IDH3G: variants seen among roughly 807,000 people sequenced by gnomAD.
IDH3G encodes the protein isocitrate dehydrogenase [NAD] subunit gamma, mitochondrial.
In IDH3G, 9 loss-of-function variants were observed where a neutral mutation model predicts 26.9. The ratio of observed to expected loss-of-function variants is 0.34; its 90% CI spans 0.20 to 0.58. IDH3G has a LOEUF of 0.58. IDH3G is among the 20% of genes least tolerant of loss of function. IDH3G has a pLI of 0.85. For synonymous variants in IDH3G, 181 were observed against 160.0 expected, an observed-to-expected ratio of 1.13 and a Z score of -0.99; for missense variants, 250 against 372.8, an observed-to-expected ratio of 0.67 and a Z score of 2.71.
At chrX:153,792,003 G>A (rs1349487972) in intron 1 of IDH3G, among the ~76,000 whole-genome samples, 2 of 112,213 alleles carry the variant, frequency 1.8e-5, no homozygotes, top group African/African-American at 6.5e-5. Flanking sequence ...TCTCTCTAGC[G>A]CTTATCAACA....
intron 1 of IDH3G, 73 bp from the exon 2 acceptor site, chrX:153,790,924 C>T (rs1321087559): frequency 4.0e-6 from 4 of 989,967 alleles, no homozygotes; most frequent in African/African-American, 1.9e-5. Flanking sequence ...AAAAACGGAC[C>T]GTCCCCACTG....
intron 1 of IDH3G, among the ~76,000 whole-genome samples, chrX:153,792,002 C>A (rs1228688947): frequency 8.9e-6 from 1 of 112,324 alleles, no homozygotes; most frequent in Admixed American, 9.4e-5. Flanking sequence ...TTCTCTCTAG[C>A]GCTTATCAAC....
At chrX:153,793,508 G>A (rs1569542796) in intron 1 of IDH3G, 1 of 112,069 alleles carries the variant, frequency 8.9e-6, no homozygotes, top group South Asian at 3.7e-4. Flanking sequence ...AGGAGGAAAT[G>A]GCCTAAGGCC....
In IDH3G at chrX:153,794,251, A is replaced by G; in HGVS notation, c.76T>C (p.Trp26Arg). ...VLGPALLCRP[W>R]EVLGAHEVPS... ...GTGGCTCTTTCCCTGCTCACCTCCC[A>G]GGGACGGCAGAGAAGGGCTGGCCCG... is the stretch of plus-strand genomic sequence containing the variant. The change falls in exon 1 of 13, where the codon TGG becomes CGG. Residue 26 changes from tryptophan to arginine, a missense_variant. By Grantham distance (101) the Trp-to-Arg change is moderately radical. Coordinates refer to ENST00000217901, the MANE Select transcript of IDH3G (RefSeq NM_004135.4). 1 of 1,193,685 alleles carries G rather than the reference A, an allele frequency of 8.4e-7. No homozygotes were observed. The highest frequency in any genetic ancestry group is 1.1e-6 in the Non-Finnish European group (1 of 886,629).
rs1557071306 is a variant in IDH3G, at chrX:153,794,236, C to G, written c.81+10G>C. On this transcript the variant is annotated intron_variant, in intron 1 of 12. Coordinates refer to ENST00000217901, the MANE Select transcript of IDH3G (RefSeq NM_004135.4). ...CGCTGCCGCGGTCCCGTGGCTCTTTCCCTGCTCACCTCCCAGGGACGGCAG... is the reference window on the plus strand; with the variant it reads ...CGCTGCCGCGGTCCCGTGGCTCTTTGCCTGCTCACCTCCCAGGGACGGCAG... 1.7e-6 allele frequency: 2 copies of G among 1,183,507 alleles called. No homozygotes were observed. The highest frequency in any genetic ancestry group is 2.3e-6 in the Non-Finnish European group (2 of 880,870).
At chrX:153,788,198 T>G (rs2092096733) in intron 5 of IDH3G, 63 bp from the exon 6 acceptor site, 1 of 1,098,757 alleles carries the variant, frequency 9.1e-7, no homozygotes, top group Admixed American at 2.2e-5. Context: ...GCAGGGCAGC[T>G]GAAGGCTGCC....
In IDH3G at chrX:153,791,480, G is replaced by A. The variant is rs1033346911; in HGVS notation, c.82-629C>T. 2.7e-5 allele frequency among the ~76,000 whole-genome samples: 3 copies of A among 112,440 alleles called. No homozygotes were observed. The East Asian group carries it at 8.3e-4, about 31-fold the overall frequency. ...GGTTGATAACAGAAACCCAACTCTA[G>A]GAAGGCCTTCGGAAAGGACTGCTGG... On this transcript the variant is annotated intron_variant, in intron 1 of 12. Transcript: ENST00000217901.
chrX:153,788,030 C>G (rs1569542701), intron 6 of IDH3G, 45 bp downstream of exon 6: 1 of 1,210,012 alleles, frequency 8.3e-7, no homozygotes, highest in Non-Finnish European at 1.1e-6. Context: ...TGGCTCACCC[C>G]ACCTTAGCCC....
Position 153,786,467 on chromosome X carries a change from A to G in IDH3G, c.925-18T>C. ...CTCGTAGCCTGGGGAGGCAAGACGA[A>G]GGAGAGTGGGTGGAGGGCAGAAGGA... On this transcript the variant is annotated intron_variant, in intron 10 of 12. Coordinates refer to ENST00000217901, the MANE Select transcript of IDH3G (RefSeq NM_004135.4). 2.7e-6 allele frequency: 3 copies of G among 1,121,562 alleles called. No individual in the cohort carries two copies. Among genetic ancestry groups the G allele is most frequent in the Non-Finnish European group, 3.6e-6 (3 of 829,064 alleles). 92.4% of individuals were successfully genotyped at this position (1,121,562 alleles called of 1,213,427 possible).
intron 1 of IDH3G, chrX:153,793,881 ATTTG>A (rs2092120881): frequency 7.4e-6 from 1 of 135,360 alleles, no homozygotes; most frequent in Non-Finnish European, 1.5e-5. Context: ...CCGTGGAGAA[ATTTG>A]AGTCCCGGAA....
At position 153,786,254 on chromosome X, in the gene IDH3G, G is replaced by A. The variant is rs2092087271; in HGVS notation, c.1038C>T (p.Thr346=). 5.8e-6 allele frequency: 7 copies of A among 1,206,384 alleles called. No homozygotes were observed. In the East Asian group the frequency reaches 1.2e-4, roughly 20 times the overall value. Residue 346 remains threonine (T), a synonymous_variant, in exon 12 of 13, where the codon ACC becomes ACT. Transcript: ENST00000217901. ...LDHLKLHSYA[T]SIRKAVLASM... ...ATGCCAGGACAGCCTTACGGATGGA[G>A]GTGGCATAGGAGTGCAGCCTAGAGG...
In IDH3G at chrX:153,790,513, C is replaced by G. The variant is rs369805805; in HGVS notation, c.135+51G>C. ...ACCCCCACCTGGAATTTAGTTAACCCCAAAGCAACTAAGAGCCCCCCAAAC... is the reference window on the plus strand; with the variant it reads ...ACCCCCACCTGGAATTTAGTTAACCGCAAAGCAACTAAGAGCCCCCCAAAC... On this transcript the variant is annotated intron_variant, in intron 3 of 12. Coordinates refer to ENST00000217901, the MANE Select transcript of IDH3G (RefSeq NM_004135.4). 31 of 1,173,579 alleles carry G rather than the reference C, an allele frequency of 2.6e-5. No homozygotes were observed. In the African/African-American group the frequency reaches 4.6e-4, roughly 17 times the overall value.
intron 8 of IDH3G, 153 bp from the exon 9 acceptor site, chrX:153,787,306 G>A: frequency 1.3e-6 from 1 of 790,093 alleles, no homozygotes; most frequent in African/African-American, 2.0e-5. Flanking sequence ...CCTCCCCTAA[G>A]TGTGGGTTCT....
chrX:153,787,354 T>C, intron 8 of IDH3G, 110 bp downstream of exon 8: 1 of 1,013,439 alleles, frequency 9.9e-7, no homozygotes, highest in African/African-American at 1.9e-5. Flanking sequence ...TCGCCTAGGG[T>C]GGCACCTCGG....
rs200381706 is a variant in IDH3G at position 153,787,796 on chromosome X, G to T, written c.540+27C>A. The T allele has an allele frequency of 3.3e-6, 4 of 1,195,367 alleles. 1 individual carries two copies. In the Admixed American group the frequency reaches 6.5e-5, roughly 20 times the overall value. ...CTCCCCTTAATCTTGACGCTGGGGG[G>T]GCTCATCTCGGGCCCCCCATGCACA... On this transcript the variant is annotated intron_variant, in intron 7 of 12. Coordinates refer to ENST00000217901, the MANE Select transcript of IDH3G (RefSeq NM_004135.4).
At chrX:153,791,141 T>C in intron 1 of IDH3G, 1 of 328,787 alleles carries the variant, frequency 3.0e-6, no homozygotes, top group Non-Finnish European at 5.3e-6. Context: ...CTTCTGATTA[T>C]TTTTTTGGCC....
chrX:153,787,849 CCT>C lies in IDH3G; in HGVS notation c.512_513del (p.Glu171GlyfsTer9). ...IDILIVRENT[E>X]GEYSSLEHES... is the part of the protein sequence containing the mutation. ...TCATGCTCCAGGCTGCTGTACTCGC[CCT>C]CTGTGTTCTCCCGGACAATGAGGAT... On this transcript the variant is annotated frameshift_variant, in exon 7 of 13. Transcript: ENST00000217901. LOFTEE classifies it high-confidence loss of function. The C allele has an allele frequency of 8.3e-7, 1 of 1,210,790 alleles. No individual in the cohort carries two copies. The highest frequency in any genetic ancestry group is 1.1e-6 in the Non-Finnish European group (1 of 894,464).
intron 2 of IDH3G, 28 bp downstream of exon 2, chrX:153,790,782 A>G: frequency 3.3e-6 from 4 of 1,202,571 alleles, no homozygotes; most frequent in Non-Finnish European, 4.5e-6. Context: ...GGAGAAAGAC[A>G]CATGCGTGGG....
In IDH3G at chrX:153,786,349, A is replaced by G. The variant is rs782730419; in HGVS notation, c.1019+6T>C. ...AGGGGCTTGCGGGGCACTGGGAGCC[A>G]CTCACTTGAGGTGGTCCAGCATCAT... On this transcript the variant is annotated splice_donor_region_variant and intron_variant, in intron 11 of 12. Coordinates refer to ENST00000217901, the MANE Select transcript of IDH3G (RefSeq NM_004135.4). 5 of 1,207,006 alleles carry G rather than the reference A, an allele frequency of 4.1e-6. No individual in the cohort carries two copies. Among genetic ancestry groups the G allele is most frequent in the Middle Eastern group, 4.6e-4 (2 of 4,334 alleles).
Sources: allele counts gnomAD v4.1 joint callset (sites outside exome capture counted in the v4.1 genomes callset), GRCh38; gene constraint gnomAD v4.1.1; transcripts MANE v1.5; gene names NCBI Gene and HGNC (gene_info 2026-07-23, HGNC 2026-07-21).